HIC1: variants seen among roughly 807,000 people sequenced by gnomAD.
The protein encoded by HIC1 is HIC ZBTB transcriptional repressor 1, also known as hypermethylated in cancer 1 protein.
HIC1 carries 9 observed loss-of-function variants against 26.4 expected under a neutral mutation model. The observed-to-expected ratio is 0.34, with a 90% confidence interval of 0.21 to 0.59. The LOEUF (loss-of-function observed/expected upper bound fraction) is 0.59, where lower values mean the gene tolerates loss of function less well. HIC1 is among the 20% of genes least tolerant of loss of function. The pLI is 0.82. For synonymous variants in HIC1, 631 were observed against 523.1 expected, an observed-to-expected ratio of 1.21 and a Z score of -2.81; for missense variants, 965 against 1,075.7, an observed-to-expected ratio of 0.90 and a Z score of 1.44.
chr17:2,058,162 C>T lies in HIC1; in HGVS notation c.1472C>T (p.Ala491Val). Reference sequence around the variant, plus strand: ...GAGCTGCTGCGGCCCTACCGCTGCGCGTCGTGCGACAAGAGCTACAAGGAC... The same window carrying T: ...GAGCTGCTGCGGCCCTACCGCTGCGTGTCGTGCGACAAGAGCTACAAGGAC... ...LGELLRPYRC[A>V]SCDKSYKDPA... The change falls in exon 2 of 2, where the codon GCG becomes GTG. Residue 491 changes from alanine (A) to valine (V), a missense_variant. By Grantham distance (64) the Ala-to-Val change is moderately conservative (BLOSUM62 0). Transcript: ENST00000619757. 1 of 1,609,492 alleles carries T rather than the reference C, an allele frequency of 6.2e-7. No homozygotes were observed. Among genetic ancestry groups the T allele is most frequent in the Non-Finnish European group, 8.5e-7 (1 of 1,179,636 alleles).
chr17:2,056,211 C>T (rs1406255595), intron 1 of HIC1: 13 of 1,055,156 alleles, frequency 1.2e-5, no homozygotes, highest in Middle Eastern at 4.1e-4. Context: ...CTCCCCTCCT[C>T]CGTATCACTT....
chr17:2,057,378 C>A lies in HIC1; in HGVS notation c.688C>A (p.Pro230Thr). The change falls in exon 2 of 2, where the codon CCG (proline) becomes ACG (threonine). Residue 230 changes from proline to threonine, a missense_variant. Physicochemically the swap from Pro to Thr is conservative, Grantham distance 38. Around this residue, in one of 6 missense-constraint regions of HIC1, gnomAD observed 526 missense variants for 525.0 expected, o/e 1.00. Transcript: ENST00000619757. Reference sequence around the variant, plus strand: ...TGGCCTGGACCTGTCCAAGAAGAGCCCGCCGGGCTCCGCGGCGCCAGAGCG... The same window carrying A: ...TGGCCTGGACCTGTCCAAGAAGAGCACGCCGGGCTCCGCGGCGCCAGAGCG... ...LCGLDLSKKS[P>T]PGSAAPERPL... 6.9e-7 allele frequency: 1 copy of A among 1,447,526 alleles called. No individual in the cohort carries two copies. Among genetic ancestry groups the A allele is most frequent in the Non-Finnish European group, 9.0e-7 (1 of 1,107,116 alleles). 89.7% of individuals were successfully genotyped at this position (1,447,526 alleles called of 1,614,324 possible). A position where few individuals can be genotyped will look rare whatever the true frequency, so the allele number is the denominator to read the frequency against.
Position 2,058,020 on chromosome 17 carries a change from G to C in HIC1, c.1330G>C (p.Glu444Gln). 6.2e-7 allele frequency: 1 copy of C among 1,600,316 alleles called. No homozygotes were observed. Among genetic ancestry groups the C allele is most frequent in the South Asian group, 1.1e-5 (1 of 89,658 alleles). ...NAHVEAHVEE[E>Q]EALYGRAEAA... ...GCACGTGGAGGCTCACGTGGAGGAG[G>C]AGGAAGCGCTGTACGGCAGGGCCGA... Residue 444 changes from glutamate (E) to glutamine (Q), a missense_variant, in exon 2 of 2, where the codon GAG (glutamate) becomes CAG (glutamine). Glu to Gln is a conservative substitution (Grantham distance 29). This residue lies in a region of HIC1 where 105 missense variants were observed against 101.4 expected (regional missense o/e 1.04). Coordinates refer to ENST00000619757, the MANE Select transcript of HIC1 (RefSeq NM_006497.4).
At position 2,056,713 on chromosome 17, in the gene HIC1, C is replaced by T; in HGVS notation, c.23C>T (p.Pro8Leu). The change falls in exon 2 of 2, where the codon CCC becomes CTC. Residue 8 changes from proline to leucine, a missense_variant. Coordinates refer to ENST00000619757, the MANE Select transcript of HIC1 (RefSeq NM_006497.4). MLDTMEA[P>L]GHSRQLLLQL... ...ACGATGCTGGACACGATGGAGGCGC[C>T]CGGCCACTCCAGGCAGCTGCTGCTG... The T allele has an allele frequency of 6.2e-7, 1 of 1,606,130 alleles. No individual in the cohort carries two copies. Among genetic ancestry groups the T allele is most frequent in the Non-Finnish European group, 8.5e-7 (1 of 1,176,088 alleles).
Position 2,058,209 on chromosome 17 carries a change from G to C in HIC1, c.1519G>C (p.Glu507Gln), listed in dbSNP as rs766550622. Residue 507 changes from glutamate to glutamine, a missense_variant, in exon 2 of 2, where the codon GAG becomes CAG. Glu to Gln is a conservative substitution (Grantham distance 29). Around this residue, in one of 6 missense-constraint regions of HIC1, gnomAD observed 105 missense variants for 101.4 expected, o/e 1.04. Transcript: ENST00000619757. ...YKDPATLRQH[E>Q]KTHWLTRPYP... The stretch of plus-strand genomic sequence containing the variant: ...GGACCCGGCCACGCTGCGGCAGCAC[G>C]AGAAGACGCACTGGCTGACCCGGCC... 1.9e-6 allele frequency: 3 copies of C among 1,611,474 alleles called. No homozygotes were observed. The highest frequency in any genetic ancestry group is 2.5e-6 in the Non-Finnish European group (3 of 1,179,810).
rs1415426546 is a variant in HIC1 at position 2,061,415 on chromosome 17, C to G, written c.*2580C>G. 7.1e-7 allele frequency: 1 copy of G among 1,411,958 alleles called. No homozygotes were observed. The highest frequency in any genetic ancestry group is 9.6e-7 in the Non-Finnish European group (1 of 1,046,066). The allele number at this position is 1,411,958 out of a possible 1,614,324, so 87.5% of individuals were successfully genotyped here. Reference sequence around the variant, plus strand: ...TGGATTGGTGGCTCAGGCACGTGGGCATCTTCCGTGCTACACTGGGCGCCT... The same window carrying G: ...TGGATTGGTGGCTCAGGCACGTGGGGATCTTCCGTGCTACACTGGGCGCCT... On this transcript the variant is annotated 3_prime_UTR_variant, in exon 2 of 2. Coordinates refer to ENST00000619757, the MANE Select transcript of HIC1 (RefSeq NM_006497.4).
chr17:2,060,355 C>T lies in HIC1; in HGVS notation c.*1520C>T, dbSNP rs2067737850. ...TGTCAGTTTTTCCGGGGAGTGAGGG[C>T]AAAGCTAGAAACCAGGTTAGGCGAC... On this transcript the variant is annotated 3_prime_UTR_variant, in exon 2 of 2. Transcript: ENST00000619757. 6.6e-6 allele frequency: 1 copy of T among 152,272 alleles called. No homozygotes were observed. Among genetic ancestry groups the T allele is most frequent in the African/African-American group, 2.4e-5 (1 of 41,458 alleles). The allele number at this position is 152,272 out of a possible 1,614,324, so 9.4% of individuals were successfully genotyped here. A position where few individuals can be genotyped will look rare whatever the true frequency, so the allele number is the denominator to read the frequency against.
chr17:2,058,510 C>A lies in HIC1; in HGVS notation c.1820C>A (p.Ala607Glu), dbSNP rs1324289726. 5 of 1,479,778 alleles carry A rather than the reference C, an allele frequency of 3.4e-6. No individual in the cohort carries two copies. The highest frequency in any genetic ancestry group is 2.8e-5 in the Admixed American group (1 of 36,118). The allele number at this position is 1,479,778 out of a possible 1,614,324, so 91.7% of individuals were successfully genotyped here. ...GGAAGAAGAL[A>E]GLGGLPGVPG... ...GCGGCCGGCGCGGCCGGGGCGCTGG[C>A]GGGCTTGGGGGGGCTCCCCGGCGTC... The change falls in exon 2 of 2, where the codon GCG becomes GAG. Residue 607 changes from alanine to glutamate, a missense_variant. Physicochemically the swap from Ala to Glu is moderately radical, Grantham distance 107 (BLOSUM62 -1). Transcript: ENST00000619757.
chr17:2,058,468 T>C lies in HIC1; in HGVS notation c.1778T>C (p.Met593Thr). 1 of 1,547,432 alleles carries C rather than the reference T, an allele frequency of 6.5e-7. No homozygotes were observed. Among genetic ancestry groups the C allele is most frequent in the Non-Finnish European group, 8.7e-7 (1 of 1,153,220 alleles). ...QQRNLISHMK[M>T]HAVGGAAGAA... ...CGCAACCTCATCAGCCACATGAAGA[T>C]GCACGCCGTGGGGGGCGCGGCCGGC... The change falls in exon 2 of 2, where the codon ATG becomes ACG. Residue 593 changes from methionine (M) to threonine (T), a missense_variant. Coordinates refer to ENST00000619757, the MANE Select transcript of HIC1 (RefSeq NM_006497.4).
At chr17:2,056,269 G>A (rs754584163) in intron 1 of HIC1, 30 of 1,581,696 alleles carry the variant, frequency 1.9e-5, no homozygotes, top group South Asian at 4.4e-5. Context: ...CTGGTTCCTC[G>A]GCTCCCTTTC....
chr17:2,056,425 G>T lies in HIC1; in HGVS notation c.-20-246G>T, dbSNP rs1343286479. The T allele has an allele frequency of 6.8e-6, 10 of 1,481,198 alleles. No individual in the cohort carries two copies. The East Asian group carries it at 2.0e-4, about 30-fold the overall frequency. 91.8% of individuals were successfully genotyped at this position (1,481,198 alleles called of 1,614,324 possible). A position where few individuals can be genotyped will look rare whatever the true frequency, so the allele number is the denominator to read the frequency against. On this transcript the variant is annotated intron_variant, in intron 1 of 1. Transcript: ENST00000619757. Reference sequence around the variant, plus strand: ...CCAGCACCCAGCCAGGTGCCCTGGGGCGTGCAGGCCGCCCTGGCCTCCCCT... The same window carrying T: ...CCAGCACCCAGCCAGGTGCCCTGGGTCGTGCAGGCCGCCCTGGCCTCCCCT...
Position 2,057,776 on chromosome 17 carries a change from TGGCAGCCTGGACGGGCCCGGCGCG to T in HIC1, c.1090_1113del (p.Ser364_Gly371del). ...GCCTGGCGCCGCCGCCGCGCTACCC[TGGCAGCCTGGACGGGCCCGGCGCG>T]GGCGGCGACGGCGACGACTACAAGA... On this transcript the variant is annotated inframe_deletion, in exon 2 of 2. Coordinates refer to ENST00000619757, the MANE Select transcript of HIC1 (RefSeq NM_006497.4). 2.7e-6 allele frequency: 4 copies of T among 1,502,788 alleles called. No homozygotes were observed. Among genetic ancestry groups the T allele is most frequent in the Non-Finnish European group, 3.5e-6 (4 of 1,132,020 alleles). 93.1% of individuals were successfully genotyped at this position (1,502,788 alleles called of 1,614,324 possible).
rs1415688000 is a variant in HIC1 at position 2,058,145 on chromosome 17, G to A, written c.1455G>A (p.Leu485=). ...CTCCGGGTGGCCTGGGAGAGCTGCT[G>A]CGGCCCTACCGCTGCGCGTCGTGCG... ...AGAPGGLGEL[L]RPYRCASCDK... Residue 485 remains leucine, a synonymous_variant, in exon 2 of 2, where the codon CTG becomes CTA. Coordinates refer to ENST00000619757, the MANE Select transcript of HIC1 (RefSeq NM_006497.4). 1 of 1,607,510 alleles carries A rather than the reference G, an allele frequency of 6.2e-7. No homozygotes were observed. The highest frequency in any genetic ancestry group is 1.3e-5 in the African/African-American group (1 of 75,020).
chr17:2,061,858 C>T lies in HIC1; in HGVS notation c.*3023C>T. On this transcript the variant is annotated 3_prime_UTR_variant, in exon 2 of 2. Transcript: ENST00000619757. ...ACTCCGGCCTCCCATACAGGACTCT[C>T]TTCTGCCTAGTTCCCAAAAGCTGCC... is the stretch of plus-strand genomic sequence containing the variant. The T allele has an allele frequency of 4.0e-6, 2 of 495,066 alleles. No individual in the cohort carries two copies. The highest frequency in any genetic ancestry group is 7.4e-6 in the Non-Finnish European group (2 of 271,120). 30.7% of individuals were successfully genotyped at this position (495,066 alleles called of 1,614,324 possible). A position where few individuals can be genotyped will look rare whatever the true frequency, so the allele number is the denominator to read the frequency against.
chr17:2,057,291 G>C lies in HIC1; in HGVS notation c.601G>C (p.Ala201Pro). The C allele has an allele frequency of 1.3e-6, 2 of 1,488,606 alleles. No individual in the cohort carries two copies. Among genetic ancestry groups the C allele is most frequent in the South Asian group, 1.2e-5 (1 of 80,004 alleles). The allele number at this position is 1,488,606 out of a possible 1,614,324, so 92.2% of individuals were successfully genotyped here. The change falls in exon 2 of 2, where the codon GCG becomes CCG. Residue 201 changes from alanine (A) to proline (P), a missense_variant. By Grantham distance (27) the Ala-to-Pro change is conservative. Around this residue, in one of 6 missense-constraint regions of HIC1, gnomAD observed 526 missense variants for 525.0 expected, o/e 1.00. Coordinates refer to ENST00000619757, the MANE Select transcript of HIC1 (RefSeq NM_006497.4). The part of the protein sequence containing the change: ...AVNTHCAELY[A>P]SGPGPAAALC... ...CAACACGCACTGCGCCGAGCTGTACGCGTCGGGACCCGGCCCGGCCGCCGC... is the reference window on the plus strand; with the variant it reads ...CAACACGCACTGCGCCGAGCTGTACCCGTCGGGACCCGGCCCGGCCGCCGC...
Position 2,058,205 on chromosome 17 carries a change from G to A in HIC1, c.1515G>A (p.Gln505=). ...ACAAGGACCCGGCCACGCTGCGGCA[G>A]CACGAGAAGACGCACTGGCTGACCC... ...KSYKDPATLR[Q]HEKTHWLTRP... Residue 505 remains glutamine (Q), a synonymous_variant, in exon 2 of 2, where the codon CAG becomes CAA. Coordinates refer to ENST00000619757, the MANE Select transcript of HIC1 (RefSeq NM_006497.4). 3 of 1,611,548 alleles carry A rather than the reference G, an allele frequency of 1.9e-6. No individual in the cohort carries two copies. Among genetic ancestry groups the A allele is most frequent in the Non-Finnish European group, 2.5e-6 (3 of 1,179,806 alleles).
Position 2,055,282 on chromosome 17 carries a change from A to G in HIC1, c.-21+44A>G, listed in dbSNP as rs967883492. ...GACCGGGAGGGACGGGGGACCCGGG[A>G]CAGCCCGGTCCTCGTGCGTCGGCCG... On this transcript the variant is annotated intron_variant, in intron 1 of 1. Coordinates refer to ENST00000619757, the MANE Select transcript of HIC1 (RefSeq NM_006497.4). The surrounding 1 kb of genome is among the most constrained non-coding windows in gnomAD (Gnocchi z 6.4). 6.6e-6 allele frequency: 1 copy of G among 151,978 alleles called. No individual in the cohort carries two copies. The highest frequency in any genetic ancestry group is 2.4e-5 in the African/African-American group (1 of 41,352). 9.4% of individuals were successfully genotyped at this position (151,978 alleles called of 1,614,324 possible).
chr17:2,056,978 C>A lies in HIC1; in HGVS notation c.288C>A (p.Ala96=). ...RLADGAEAAA[A]AAVAPGAEPS... ...CTGACGGCGCAGAGGCGGCTGCGGC[C>A]GCGGCCGTGGCCCCGGGGGCTGAGC... is the stretch of plus-strand genomic sequence containing the variant. The change falls in exon 2 of 2, where the codon GCC becomes GCA. Residue 96 remains alanine (A), a synonymous_variant. Transcript: ENST00000619757. 1 of 1,572,986 alleles carries A rather than the reference C, an allele frequency of 6.4e-7. No individual in the cohort carries two copies. The highest frequency in any genetic ancestry group is 1.4e-5 in the African/African-American group (1 of 72,156).
rs752034419 is a variant in HIC1, at chr17:2,057,682, G to A, written c.992G>A (p.Gly331Asp). ...GGCGACGAGCTGGGCCGGGAGCGCG[G>A]CTCCCCCAGCGAGCGCTGCGAAGAG... is the stretch of plus-strand genomic sequence containing the variant. ...SYGDELGRER[G>D]SPSERCEERG... Residue 331 changes from glycine to aspartate, a missense_variant, in exon 2 of 2, where the codon GGC (glycine) becomes GAC (aspartate). This residue lies in a region of HIC1 where 526 missense variants were observed against 525.0 expected (regional missense o/e 1.00). Coordinates refer to ENST00000619757, the MANE Select transcript of HIC1 (RefSeq NM_006497.4). The A allele has an allele frequency of 6.7e-7, 1 of 1,494,416 alleles. No homozygotes were observed. Among genetic ancestry groups the A allele is most frequent in the South Asian group, 1.2e-5 (1 of 80,082 alleles). 92.6% of individuals were successfully genotyped at this position (1,494,416 alleles called of 1,614,324 possible).
Sources: gnomAD v4.1 joint callset for allele counts on GRCh38, gnomAD v4.1.1 for gene constraint, gnomAD v4.1.1 regional missense constraint, Gnocchi (gnomAD v3.1) non-coding constraint, MANE v1.5 for transcripts, NCBI Gene and HGNC (gene_info 2026-07-23, HGNC 2026-07-21) for gene names.